The following COL23A1 variants were observed in gnomAD, a reference collection of about 807,000 sequenced individuals.
The protein encoded by COL23A1 is collagen type XXIII alpha 1 chain, also known as collagen alpha-1(XXIII) chain.
COL23A1 carries 97 observed loss-of-function variants against 99.3 expected under a neutral mutation model. The observed-to-expected ratio is 0.98, with a 90% CI of 0.83 to 1.16. COL23A1 has a LOEUF of 1.16. Among genes scored for constraint, COL23A1 ranks in the 50% most tolerant of loss-of-function variants. COL23A1 has a pLI of 0.00. For synonymous variants in COL23A1, 320 were observed against 308.2 expected (o/e 1.04, Z -0.40); for missense variants, 762 against 757.4 (o/e 1.01, Z -0.07).
intron 2 of COL23A1, among the ~76,000 whole-genome samples, chr5:178,437,589 G>A (rs1402299291): frequency 6.6e-6 from 1 of 152,180 alleles, no homozygotes; most frequent in African/African-American, 2.4e-5. Context: ...CTGCCCAGGG[G>A]TCAGTCCAGC....
intron 25 of COL23A1, among the ~76,000 whole-genome samples, chr5:178,245,300 T>TCATCCATC (rs144926160): frequency 6.8e-4 from 91 of 133,238 alleles, no homozygotes; most frequent in South Asian, 1.1e-3. Context: ...ACTGCCATCA[T>TCATCCATC]CATCCATCCA....
At chr5:178,581,206 A>G (rs1763642284) in intron 1 of COL23A1, among the ~76,000 whole-genome samples, 1 of 152,204 alleles carries the variant, frequency 6.6e-6, no homozygotes, top group African/African-American at 2.4e-5. Flanking sequence ...ACAATTTCAT[A>G]ATGGTCCCAC....
chr5:178,269,880 T>A (rs1387520887), intron 6 of COL23A1, among the ~76,000 whole-genome samples: 1 of 152,228 alleles, frequency 6.6e-6, no homozygotes, highest in Admixed American at 6.5e-5. Flanking sequence ...TATTTAATTG[T>A]GCTTATGTCT....
chr5:178,547,638 C>A (rs1420033015), intron 2 of COL23A1, among the ~76,000 whole-genome samples: 3 of 18,208 alleles, frequency 1.6e-4, no homozygotes, highest in African/African-American at 2.5e-4. Flanking sequence ...CCACACCCCC[C>A]CACACACACA....
rs879392597 is a variant in COL23A1, at chr5:178,415,372, T to C, written c.362-108453A>G. 6.6e-6 allele frequency among the ~76,000 whole-genome samples: 1 copy of C among 152,128 alleles called. No individual in the cohort carries two copies. Among genetic ancestry groups the C allele is most frequent in the East Asian group, 1.9e-4 (1 of 5,164 alleles). ...GAGTAAACACTGTGCTCCAAATCAG[T>C]CGAACGTCTAAAAACCGTCCTGCCC... is the stretch of plus-strand genomic sequence containing the variant. On this transcript the variant is annotated intron_variant, in intron 2 of 28. Transcript: ENST00000390654. This position sits in a 1 kb window ranked among gnomAD's most constrained non-coding sequence, Gnocchi z 4.6.
intron 2 of COL23A1, chr5:178,345,089 C>G: frequency 3.4e-6 from 2 of 591,700 alleles, no homozygotes; most frequent in Non-Finnish European, 6.5e-6. Context: ...TTCATCTCTT[C>G]CTGGTAATTG....
chr5:178,561,176 C>G (rs1209561221), intron 1 of COL23A1, among the ~76,000 whole-genome samples: 2 of 152,202 alleles, frequency 1.3e-5, no homozygotes, highest in Admixed American at 1.3e-4. Flanking sequence ...CGTCCACACC[C>G]GGGAAGTCCC....
intron 2 of COL23A1, among the ~76,000 whole-genome samples, chr5:178,449,410 G>A (rs1227292860): frequency 6.6e-6 from 1 of 152,128 alleles, no homozygotes; most frequent in Non-Finnish European, 1.5e-5. Flanking sequence ...CTGATAAGAG[G>A]TTTCTGGCTC....
intron 2 of COL23A1, among the ~76,000 whole-genome samples, chr5:178,371,701 C>T (rs1762810148): frequency 1.3e-5 from 2 of 152,174 alleles, no homozygotes; most frequent in Admixed American, 1.3e-4. Flanking sequence ...GCCCTGTCCG[C>T]GGTCCCTCTT....
rs1205302323 is a variant in COL23A1 at position 178,590,176 on chromosome 5, C to T, written c.22G>A (p.Gly8Ser). The change falls in exon 1 of 29, where the codon GGT becomes AGT. Residue 8 changes from glycine (G) to serine (S), a missense_variant. Gly to Ser is a moderately conservative substitution (Grantham distance 56). Transcript: ENST00000390654. The surrounding 1 kb of genome is among the most constrained non-coding windows in gnomAD (Gnocchi z 5.7). ...CCCTTCCCCGCGTCGCCGCCGCCAC[C>T]GGCGCGCTCGCCTGGGCCCATGGCG... MGPGERA[G>S]GGGDAGKGNA... 8.2e-7 allele frequency: 1 copy of T among 1,220,224 alleles called. No individual in the cohort carries two copies. Among genetic ancestry groups the T allele is most frequent in the Non-Finnish European group, 1.0e-6 (1 of 984,400 alleles). The allele number at this position is 1,220,224 out of a possible 1,614,324, so 75.6% of individuals were successfully genotyped here.
chr5:178,452,238 C>A (rs1767530423), intron 2 of COL23A1, among the ~76,000 whole-genome samples: 1 of 152,140 alleles, frequency 6.6e-6, no homozygotes, highest in Admixed American at 6.5e-5. Flanking sequence ...GAAGGTGATA[C>A]TGCAAACTAA....
intron 2 of COL23A1, among the ~76,000 whole-genome samples, chr5:178,411,653 T>G (rs184385013): frequency 5.3e-5 from 8 of 152,360 alleles, no homozygotes; most frequent in Non-Finnish European, 1.0e-4. Context: ...GATGAATGAC[T>G]GCTCAATGGG....
chr5:178,357,732 G>A (rs76552263), intron 2 of COL23A1, among the ~76,000 whole-genome samples: 19 of 87,100 alleles, frequency 2.2e-4, no homozygotes, highest in Non-Finnish European at 3.0e-4. Context: ...GTGTGTGTGT[G>A]TGTGTATGTA....
rs1203800800 is a variant in COL23A1, at chr5:178,256,823, G to C, written c.837+43C>G. On this transcript the variant is annotated intron_variant, in intron 14 of 28. Coordinates refer to ENST00000390654, the MANE Select transcript of COL23A1 (RefSeq NM_173465.4). ...CCCACTCCCGACTGGGTGGAGGTCT[G>C]AGCGGGGCCCGCAGGCGCCAGAGCA... is the stretch of plus-strand genomic sequence containing the variant. 5 of 1,586,508 alleles carry C rather than the reference G, an allele frequency of 3.2e-6. No homozygotes were observed. The East Asian group carries it at 6.9e-5, about 22-fold the overall frequency.
At chr5:178,247,207 G>C (rs1160718804) in intron 22 of COL23A1, among the ~76,000 whole-genome samples, 2 of 152,140 alleles carry the variant, frequency 1.3e-5, no homozygotes, top group Non-Finnish European at 2.9e-5. Context: ...ACAGTGCAAG[G>C]AACTGACAGG....
intron 2 of COL23A1, among the ~76,000 whole-genome samples, chr5:178,417,504 C>G (rs1348883657): frequency 6.6e-6 from 1 of 152,196 alleles, no homozygotes; most frequent in African/African-American, 2.4e-5. Flanking sequence ...TCTGGATTCT[C>G]CCTCTGGGAG....
Position 178,340,928 on chromosome 5 carries a change from G to T in COL23A1, c.362-34009C>A, listed in dbSNP as rs1332103172. ...CAGACCCCGCAGGGGTGGCTGTCCT[G>T]CCAGGCAGAGATCAGCTGGTTTAGA... On this transcript the variant is annotated intron_variant, in intron 2 of 28. Coordinates refer to ENST00000390654, the MANE Select transcript of COL23A1 (RefSeq NM_173465.4). This position sits in a 1 kb window ranked among gnomAD's most constrained non-coding sequence, Gnocchi z 4.7. 6.6e-6 allele frequency among the ~76,000 whole-genome samples: 1 copy of T among 152,250 alleles called. No individual in the cohort carries two copies. Among genetic ancestry groups the T allele is most frequent in the Non-Finnish European group, 1.5e-5 (1 of 68,040 alleles).
In COL23A1 at chr5:178,308,775, C is replaced by T. The variant is rs1267567839; in HGVS notation, c.362-1856G>A. Among the ~76,000 whole-genome samples the T allele has an allele frequency of 6.6e-6, 1 of 152,060 alleles. No individual in the cohort carries two copies. The highest frequency in any genetic ancestry group is 1.5e-5 in the Non-Finnish European group (1 of 68,026). On this transcript the variant is annotated intron_variant, in intron 2 of 28. Coordinates refer to ENST00000390654, the MANE Select transcript of COL23A1 (RefSeq NM_173465.4). This position sits in a 1 kb window ranked among gnomAD's most constrained non-coding sequence, Gnocchi z 5.1. ...CTCCAGAGCCAGTCACACCGGATGA[C>T]TGGCCCTGGTTATTAACTAAGCCCC...
rs1413476371 is a variant in COL23A1, at chr5:178,300,735, A to T, written c.406+6140T>A. Among the ~76,000 whole-genome samples the T allele has an allele frequency of 7.7e-3, 1,151 of 150,456 alleles. 17 individuals are homozygous for T. Among genetic ancestry groups the T allele is most frequent in the African/African-American group, 0.026 (1,043 of 40,880 alleles). On this transcript the variant is annotated intron_variant, in intron 3 of 28. Transcript: ENST00000390654. Reference sequence around the variant, plus strand: ...GGCTAGCTTTTGTATTTATTTATTTATTTTTTTTAGTAGAGATGGGATTTC... The same window carrying T: ...GGCTAGCTTTTGTATTTATTTATTTTTTTTTTTTAGTAGAGATGGGATTTC...
Sources: gnomAD v4.1 joint callset for allele counts (sites outside exome capture counted in the v4.1 genomes callset) on GRCh38, gnomAD v4.1.1 for gene constraint, Gnocchi (gnomAD v3.1) non-coding constraint, MANE v1.5 for transcripts, NCBI Gene and HGNC (gene_info 2026-07-23, HGNC 2026-07-21) for gene names.